Variants in TNKS2 observed in about 807,000 individuals in gnomAD.
TNKS2 encodes the protein tankyrase 2.
A neutral mutation model predicts 137.6 loss-of-function variants in TNKS2; 72 were observed. The ratio of observed to expected loss-of-function variants is 0.52; its 90% CI spans 0.43 to 0.64. TNKS2 has a LOEUF of 0.64. Ranked by LOEUF, TNKS2 falls within the 30% of genes least tolerant of loss-of-function variation. The pLI is 0.00. For synonymous variants in TNKS2, 516 were observed against 512.1 expected (o/e 1.01, Z -0.10); for missense variants, 1,049 against 1,410.2 (o/e 0.74, Z 4.10).
intron 21 of TNKS2, among the ~76,000 whole-genome samples, chr10:91,854,219 A>G (rs867801736): frequency 2.3e-4 from 35 of 152,342 alleles, no homozygotes; most frequent in African/African-American, 7.9e-4. Flanking sequence ...TACAAAGAAG[A>G]AAGAGATTAA....
chr10:91,838,795 A>G (rs550272667), intron 13 of TNKS2, among the ~76,000 whole-genome samples: 46 of 152,318 alleles, frequency 3.0e-4, no homozygotes, highest in South Asian at 1.2e-3. Context: ...TATTGAGCTT[A>G]GGTTATCCCT....
chr10:91,812,934 A>T, intron 1 of TNKS2, 49 bp from the exon 2 acceptor site: 1 of 1,595,954 alleles, frequency 6.3e-7, no homozygotes, highest in Non-Finnish European at 8.6e-7. Flanking sequence ...ATCTAATTTG[A>T]TATCTTTTCC....
chr10:91,825,103 G>GC (rs1845024583), intron 7 of TNKS2, among the ~76,000 whole-genome samples: 1 of 150,902 alleles, frequency 6.6e-6, no homozygotes, highest in Non-Finnish European at 1.5e-5. Context: ...TTTTTGTTTT[G>GC]TTTTGTTTTG....
chr10:91,840,512 A>G (rs1270518514), intron 13 of TNKS2, 49 bp from the exon 14 acceptor site: 3 of 1,531,834 alleles, frequency 2.0e-6, no homozygotes, highest in Non-Finnish European at 2.7e-6. Flanking sequence ...GAAACAAGAA[A>G]TAACAATATG....
chr10:91,851,684 T>G (rs1408502459), intron 21 of TNKS2, among the ~76,000 whole-genome samples: 1 of 152,190 alleles, frequency 6.6e-6, no homozygotes, highest in East Asian at 1.9e-4. Flanking sequence ...TCACATTTCT[T>G]ATGGTAATAT....
intron 1 of TNKS2, among the ~76,000 whole-genome samples, chr10:91,811,998 T>C (rs1209817280): frequency 1.3e-5 from 2 of 151,080 alleles, no homozygotes; most frequent in East Asian, 3.9e-4. Context: ...AGGCGGAGCT[T>C]GCAGTGAGCC....
chr10:91,854,235 G>A (rs1842638061), intron 21 of TNKS2, among the ~76,000 whole-genome samples: 1 of 152,144 alleles, frequency 6.6e-6, no homozygotes, highest in Admixed American at 6.5e-5. Flanking sequence ...ATTAAATGTT[G>A]AAAGGGCTGC....
At chr10:91,807,360 A>G (rs1011017109) in intron 1 of TNKS2, 6 of 1,614,186 alleles carry the variant, frequency 3.7e-6, no homozygotes, top group Non-Finnish European at 3.4e-6. Context: ...TTTGAGAACC[A>G]CACGTGCCTT....
rs1443086025 is a variant in TNKS2 at position 91,833,998 on chromosome 10, A to G, written c.1421A>G (p.Asn474Ser). The change falls in exon 12 of 27, where the codon AAT becomes AGT. Residue 474 changes from asparagine (N) to serine (S), a missense_variant. This residue lies in a region of TNKS2 where 328 missense variants were observed against 436.0 expected (regional missense o/e 0.75). Coordinates refer to ENST00000371627, the MANE Select transcript of TNKS2 (RefSeq NM_025235.4). The stretch of plus-strand genomic sequence containing the variant: ...GGCTTTACTGCTTTACAGATGGGAA[A>G]TGAAAATGTACAGCAACTCCTCCAA... ...LQGFTALQMG[N>S]ENVQQLLQEG... 1.9e-6 allele frequency: 3 copies of G among 1,604,546 alleles called. No individual in the cohort carries two copies. The highest frequency in any genetic ancestry group is 2.5e-6 in the Non-Finnish European group (3 of 1,176,912).
intron 18 of TNKS2, among the ~76,000 whole-genome samples, chr10:91,846,734 A>C (rs1431299066): frequency 7.5e-6 from 1 of 132,954 alleles, no homozygotes; most frequent in Non-Finnish European, 1.5e-5. Flanking sequence ...GTGCTTAAGT[A>C]GGTTTTTCTC....
At chr10:91,799,381 C>T (rs1184984138) in intron 1 of TNKS2, among the ~76,000 whole-genome samples, 1 of 152,082 alleles carries the variant, frequency 6.6e-6, no homozygotes, top group Non-Finnish European at 1.5e-5. Flanking sequence ...GACACATTAG[C>T]GTTAATTGGT....
intron 19 of TNKS2, 144 bp downstream of exon 19, chr10:91,848,779 G>C (rs1257669321): frequency 4.5e-6 from 4 of 892,152 alleles, no homozygotes; most frequent in Non-Finnish European, 6.7e-6. Flanking sequence ...GTTTAACCTT[G>C]TATTACTTTC....
At position 91,823,245 on chromosome 10, in the gene TNKS2, A is replaced by G. The variant is rs1247941370; in HGVS notation, c.795+883A>G. Among the ~76,000 whole-genome samples the G allele has an allele frequency of 3.3e-5, 5 of 151,442 alleles. No homozygotes were observed. The South Asian group carries it at 8.3e-4, about 25-fold the overall frequency. On this transcript the variant is annotated intron_variant, in intron 7 of 26. Coordinates refer to ENST00000371627, the MANE Select transcript of TNKS2 (RefSeq NM_025235.4). ...TTTGGTAAGGTTCACTTCTTCCAGT[A>G]TGCTCAACAGCTGTTTAACAAACAG...
At chr10:91,825,800 A>G (rs1845049235) in intron 7 of TNKS2, among the ~76,000 whole-genome samples, 1 of 152,236 alleles carries the variant, frequency 6.6e-6, no homozygotes, top group Non-Finnish European at 1.5e-5. Context: ...TAACAATACA[A>G]AGTGTTAGCA....
At chr10:91,849,893 A>G (rs937658143) in intron 20 of TNKS2, among the ~76,000 whole-genome samples, 1 of 152,138 alleles carries the variant, frequency 6.6e-6, no homozygotes, top group Non-Finnish European at 1.5e-5. Flanking sequence ...CAAGCCTGAC[A>G]CTTTTCTAGC....
chr10:91,801,735 GT>G (rs1400962786), intron 1 of TNKS2, among the ~76,000 whole-genome samples: 1 of 152,158 alleles, frequency 6.6e-6, no homozygotes, highest in Non-Finnish European at 1.5e-5. Flanking sequence ...GCCTCCCAAA[GT>G]GCTGGGATTA....
chr10:91,831,380 A>G (rs1054710074), intron 11 of TNKS2, among the ~76,000 whole-genome samples, 199 bp downstream of exon 11: 3 of 152,218 alleles, frequency 2.0e-5, no homozygotes, highest in Non-Finnish European at 4.4e-5. Context: ...TTATTCAGAT[A>G]CACATTCCTG....
chr10:91,845,831 AC>A lies in TNKS2; in HGVS notation c.2250del (p.His750GlnfsTer16). ...GACAAATGGGCTTTCACACCTTTGC[AC>A]GAAGCAGCCCAAAAGGGACGAACAC... ...ATDKWAFTPLHEAAQKGRTQL... is the reference protein window; with the variant it reads ...ATDKWAFTPLXEAAQKGRTQL... On this transcript the variant is annotated frameshift_variant, in exon 18 of 27. Transcript: ENST00000371627. LOFTEE classifies it high-confidence loss of function. 1 of 1,610,194 alleles carries A rather than the reference AC, an allele frequency of 6.2e-7. No individual in the cohort carries two copies.
chr10:91,833,881 C>T lies in TNKS2; in HGVS notation c.1304C>T (p.Thr435Ile). 1 of 1,604,086 alleles carries T rather than the reference C, an allele frequency of 6.2e-7. No individual in the cohort carries two copies. Among genetic ancestry groups the T allele is most frequent in the Non-Finnish European group, 8.5e-7 (1 of 1,176,996 alleles). The change falls in exon 12 of 27, where the codon ACT (threonine) becomes ATT (isoleucine). Residue 435 changes from threonine to isoleucine, a missense_variant. By Grantham distance (89) the Thr-to-Ile change is moderately conservative (BLOSUM62 -1). Around this residue, in one of 6 missense-constraint regions of TNKS2, gnomAD observed 328 missense variants for 436.0 expected, o/e 0.75. Coordinates refer to ENST00000371627, the MANE Select transcript of TNKS2 (RefSeq NM_025235.4). ...KVNALDNLGQ[T>I]SLHRAAYCGH... ...AATGCTCTGGATAATCTTGGTCAGA[C>T]TTCTCTACACAGAGCTGCATATTGT... is the stretch of plus-strand genomic sequence containing the variant.
Sources: gnomAD v4.1 joint callset for allele counts (sites outside exome capture counted in the v4.1 genomes callset) on GRCh38, gnomAD v4.1.1 for gene constraint, gnomAD v4.1.1 regional missense constraint, MANE v1.5 for transcripts, NCBI Gene and HGNC (gene_info 2026-07-23, HGNC 2026-07-21) for gene names.